The following NDUFS1 variants were observed in gnomAD, a reference collection of about 807,000 sequenced individuals.
NDUFS1 encodes NADH-ubiquinone oxidoreductase 75 kDa subunit, mitochondrial.
A neutral mutation model predicts 84.4 loss-of-function variants in NDUFS1; 61 were observed. The observed-to-expected ratio is 0.72, with a 90% CI of 0.59 to 0.89. NDUFS1 has a LOEUF of 0.89. Among genes scored for constraint, NDUFS1 ranks in the 40% least tolerant of loss-of-function variants. The pLI is 0.00. For synonymous variants in NDUFS1, 275 were observed against 290.0 expected, an observed-to-expected ratio of 0.95 and a Z score of 0.53; for missense variants, 891 against 890.0, an observed-to-expected ratio of 1.00 and a Z score of -0.01.
Position 206,150,011 on chromosome 2 carries a change from G to C in NDUFS1, c.154-86C>G, listed in dbSNP as rs914876046. On this transcript the variant is annotated intron_variant, in intron 3 of 18. Coordinates refer to ENST00000233190, the MANE Select transcript of NDUFS1 (RefSeq NM_005006.7). ...GTTATTGCTGAAACACACACATACAGCATCTTATTACTTCTATCTATCTAT... is the reference window on the plus strand; with the variant it reads ...GTTATTGCTGAAACACACACATACACCATCTTATTACTTCTATCTATCTAT... 39 of 790,534 alleles carry C rather than the reference G, an allele frequency of 4.9e-5. 1 individual carries two copies. The South Asian group carries it at 5.5e-4, about 11-fold the overall frequency. 49.0% of individuals were successfully genotyped at this position (790,534 alleles called of 1,614,324 possible). A position where few individuals can be genotyped will look rare whatever the true frequency, so the allele number is the denominator to read the frequency against.
intron 12 of NDUFS1, among the ~76,000 whole-genome samples, chr2:206,139,346 C>T (rs1691846687): frequency 6.6e-6 from 1 of 151,832 alleles, no homozygotes; most frequent in Admixed American, 6.6e-5. Flanking sequence ...CCTCTACGCC[C>T]AGCTAATTTT....
intron 13 of NDUFS1, among the ~76,000 whole-genome samples, chr2:206,136,846 C>T (rs1049048963): frequency 6.6e-6 from 1 of 151,826 alleles, no homozygotes; most frequent in African/African-American, 2.4e-5. Flanking sequence ...ACCTCCACCT[C>T]TCAGGTTCAA....
At chr2:206,134,664 T>C (rs1310355327) in intron 13 of NDUFS1, among the ~76,000 whole-genome samples, 2 of 149,972 alleles carry the variant, frequency 1.3e-5, no homozygotes, top group African/African-American at 4.9e-5. Context: ...ACAAAACAAA[T>C]GGAAAAAGGA....
chr2:206,139,308 C>A (rs940543402), intron 12 of NDUFS1, among the ~76,000 whole-genome samples: 1 of 151,734 alleles, frequency 6.6e-6, no homozygotes, highest in Non-Finnish European at 1.5e-5. Context: ...GCCTCACCCT[C>A]CGGAGTAGCT....
chr2:206,138,409 T>C, intron 13 of NDUFS1, 76 bp downstream of exon 13: 1 of 1,526,842 alleles, frequency 6.5e-7, no homozygotes, highest in Non-Finnish European at 9.0e-7. Flanking sequence ...TTACATAGGA[T>C]TATTACAAAA....
chr2:206,135,059 C>T (rs1157904873), intron 13 of NDUFS1, among the ~76,000 whole-genome samples: 1 of 151,708 alleles, frequency 6.6e-6, no homozygotes. Context: ...TACTCTGTTG[C>T]CCAGGCTGGA....
intron 1 of NDUFS1, 165 bp downstream of exon 1, chr2:206,159,176 C>T (rs1169225177): frequency 3.9e-6 from 6 of 1,534,232 alleles, no homozygotes; most frequent in Non-Finnish European, 4.4e-6. Context: ...GGCTAAAAGC[C>T]CCCCATCTGC....
chr2:206,149,785 A>T, intron 4 of NDUFS1, 33 bp downstream of exon 4: 2 of 1,498,568 alleles, frequency 1.3e-6, no homozygotes, highest in Non-Finnish European at 1.9e-6. Context: ...TCTACCTTCT[A>T]CAGCATGGTG....
At chr2:206,138,396 C>A in intron 13 of NDUFS1, 89 bp downstream of exon 13, 1 of 1,454,326 alleles carries the variant, frequency 6.9e-7, no homozygotes, top group Non-Finnish European at 9.5e-7. Context: ...TAAGTTTTAA[C>A]ACTTACATAG....
chr2:206,141,798 C>CCA, intron 12 of NDUFS1, 143 bp downstream of exon 12: 1 of 514,522 alleles, frequency 1.9e-6, no homozygotes, highest in Non-Finnish European at 3.2e-6. Flanking sequence ...TCCGTCCCAC[C>CCA]AAAAAAAAAA....
At position 206,158,981 on chromosome 2, in the gene NDUFS1, T is replaced by G. The variant is rs577686903; in HGVS notation, c.-5+360A>C. 3 of 1,149,628 alleles carry G rather than the reference T, an allele frequency of 2.6e-6. No individual in the cohort carries two copies. In the East Asian group the frequency reaches 7.7e-5, roughly 29 times the overall value. 71.2% of individuals were successfully genotyped at this position (1,149,628 alleles called of 1,614,324 possible). On this transcript the variant is annotated intron_variant, in intron 1 of 18. Coordinates refer to ENST00000233190, the MANE Select transcript of NDUFS1 (RefSeq NM_005006.7). Reference sequence around the variant, plus strand: ...AAAATCTGGGGGGAAAGGCTTAGTCTTAAGGCCTAAGTCATCGGACACTGG... The same window carrying G: ...AAAATCTGGGGGGAAAGGCTTAGTCGTAAGGCCTAAGTCATCGGACACTGG...
chr2:206,149,148 C>T (rs1193616861), intron 4 of NDUFS1, 52 bp from the exon 5 acceptor site: 1 of 1,297,258 alleles, frequency 7.7e-7, no homozygotes. Flanking sequence ...TTTGTGATTA[C>T]AAGCAACTCA....
At chr2:206,145,433 T>G (rs181675724) in intron 8 of NDUFS1, among the ~76,000 whole-genome samples, 2 of 152,248 alleles carry the variant, frequency 1.3e-5, no homozygotes, top group African/African-American at 4.8e-5. Flanking sequence ...CACACCCACA[T>G]TTGAACACAT....
At chr2:206,126,518 G>C in intron 18 of NDUFS1, 21 bp downstream of exon 18, 1 of 1,609,816 alleles carries the variant, frequency 6.2e-7, no homozygotes, top group Non-Finnish European at 8.5e-7. Context: ...ATTTGGCAGA[G>C]TCATGTTGAC....
At chr2:206,141,818 GTC>G in intron 12 of NDUFS1, 121 bp downstream of exon 12, 1 of 673,474 alleles carries the variant, frequency 1.5e-6, no homozygotes, top group Non-Finnish European at 2.4e-6. Flanking sequence ...AAAAAAAATT[GTC>G]TTCCAGTTAT....
chr2:206,152,153 G>A (rs549309559), intron 3 of NDUFS1, among the ~76,000 whole-genome samples: 21 of 152,152 alleles, frequency 1.4e-4, no homozygotes, highest in African/African-American at 4.1e-4. Context: ...GAGCCACTGC[G>A]CTCGGACTTC....
At chr2:206,139,185 T>A (rs1691839004) in intron 12 of NDUFS1, among the ~76,000 whole-genome samples, 1 of 151,818 alleles carries the variant, frequency 6.6e-6, no homozygotes. Context: ...GTTATTTATT[T>A]ATTAATTTAT....
intron 14 of NDUFS1, among the ~76,000 whole-genome samples, chr2:206,132,603 A>G (rs1211567949): frequency 6.6e-6 from 1 of 152,188 alleles, no homozygotes; most frequent in East Asian, 1.9e-4. Context: ...AAGAAAAAAA[A>G]AGAAAGAAAG....
chr2:206,131,888 G>A (rs186896461), intron 14 of NDUFS1, among the ~76,000 whole-genome samples: 247 of 151,884 alleles, frequency 1.6e-3, no homozygotes, highest in African/African-American at 5.5e-3. Flanking sequence ...GCAGTGAGCC[G>A]AGATCGTGCC....
Sources: allele counts gnomAD v4.1 joint callset (sites outside exome capture counted in the v4.1 genomes callset), GRCh38; gene constraint gnomAD v4.1.1; transcripts MANE v1.5; gene names NCBI Gene and HGNC (gene_info 2026-07-23, HGNC 2026-07-21).